GRM5: variants seen among roughly 807,000 people sequenced by gnomAD.
GRM5 encodes glutamate metabotropic receptor 5, also known as metabotropic glutamate receptor 5.
GRM5 carries 19 observed loss-of-function variants against 83.1 expected under a neutral mutation model. The ratio of observed to expected loss-of-function variants is 0.23; its 90% confidence interval spans 0.16 to 0.34. The LOEUF (loss-of-function observed/expected upper bound fraction) is 0.34. Among genes scored for constraint, GRM5 ranks in the 10% least tolerant of loss-of-function variants. The pLI is 1.00. For missense variants in GRM5, 1,160 were observed against 1,588.3 expected (o/e 0.73, Z 4.58); for synonymous variants, 675 against 633.6 (o/e 1.07, Z -0.98).
At chr11:88,589,451 C>T (rs12364433) in intron 7 of GRM5, among the ~76,000 whole-genome samples, 21,875 of 151,916 alleles carry the variant, frequency 0.14, 3,124 homozygotes, top group African/African-American at 0.38. Flanking sequence ...TGTATACATA[C>T]CAATCACCAA....
At chr11:88,736,225 A>T (rs1285491761) in intron 3 of GRM5, among the ~76,000 whole-genome samples, 1 of 152,094 alleles carries the variant, frequency 6.6e-6, no homozygotes, top group African/African-American at 2.4e-5. Flanking sequence ...AACCTAAAAA[A>T]AACTTTCTTG....
intron 2 of GRM5, among the ~76,000 whole-genome samples, chr11:88,886,685 C>A (rs1945049010): frequency 2.6e-5 from 4 of 152,280 alleles, no homozygotes; most frequent in Admixed American, 2.6e-4. Context: ...GGACGGACCC[C>A]AGCCTCTGAC....
intron 8 of GRM5, among the ~76,000 whole-genome samples, chr11:88,550,116 T>TAGA (rs1159661695): frequency 1.3e-5 from 2 of 151,888 alleles, no homozygotes; most frequent in South Asian, 4.2e-4. Flanking sequence ...AGAGAAGAAA[T>TAGA]AGAAGAAGAA....
At chr11:88,682,609 G>T (rs753004421) in intron 3 of GRM5, among the ~76,000 whole-genome samples, 2 of 151,676 alleles carry the variant, frequency 1.3e-5, no homozygotes, top group Non-Finnish European at 2.9e-5. Flanking sequence ...ATATATTCTG[G>T]CATTAATTAC....
At chr11:88,837,542 C>T (rs1278379060) in intron 3 of GRM5, among the ~76,000 whole-genome samples, 1 of 152,138 alleles carries the variant, frequency 6.6e-6, no homozygotes, top group Non-Finnish European at 1.5e-5. Context: ...CAAATGTTCG[C>T]AGTGTAATCA....
At chr11:89,030,776 T>A (rs1241135159) in intron 2 of GRM5, among the ~76,000 whole-genome samples, 5 of 152,102 alleles carry the variant, frequency 3.3e-5, no homozygotes, top group Non-Finnish European at 7.4e-5. Context: ...TCTTATGCCC[T>A]ATTATACTTA....
intron 3 of GRM5, among the ~76,000 whole-genome samples, chr11:88,735,882 G>A (rs1941903591): frequency 6.6e-6 from 1 of 152,020 alleles, no homozygotes; most frequent in South Asian, 2.1e-4. Context: ...GTGTACTCGT[G>A]TAATTGATAA....
intron 2 of GRM5, among the ~76,000 whole-genome samples, chr11:88,979,438 CTG>C (rs1160954942): frequency 6.6e-6 from 1 of 152,148 alleles, no homozygotes; most frequent in Admixed American, 6.5e-5. Context: ...GACAAATGTT[CTG>C]TGAGTCTGAC....
chr11:89,019,035 G>C (rs1940921983), intron 2 of GRM5, among the ~76,000 whole-genome samples: 1 of 152,078 alleles, frequency 6.6e-6, no homozygotes, highest in African/African-American at 2.4e-5. Flanking sequence ...TCACATCCAG[G>C]TTACCACACT....
chr11:88,992,950 G>A (rs546078109), intron 2 of GRM5, among the ~76,000 whole-genome samples: 1 of 151,770 alleles, frequency 6.6e-6, no homozygotes, highest in African/African-American at 2.4e-5. Context: ...CACCAACATG[G>A]CACATGTATA....
chr11:88,634,779 G>A (rs1939073197), intron 4 of GRM5, among the ~76,000 whole-genome samples: 1 of 152,144 alleles, frequency 6.6e-6, no homozygotes, highest in African/African-American at 2.4e-5. Flanking sequence ...TCAAAATTAT[G>A]TTGTATACAT....
intron 6 of GRM5, among the ~76,000 whole-genome samples, chr11:88,595,961 T>G (rs1398367195): frequency 6.6e-6 from 1 of 152,200 alleles, no homozygotes; most frequent in African/African-American, 2.4e-5. Context: ...CAACTTTAAC[T>G]CTATTCAATC....
chr11:89,032,506 T>A, intron 2 of GRM5, among the ~76,000 whole-genome samples: 1 of 152,082 alleles, frequency 6.6e-6, no homozygotes, highest in East Asian at 1.9e-4. Context: ...CTTAGACAAG[T>A]TGTTTAAATT....
intron 2 of GRM5, among the ~76,000 whole-genome samples, chr11:88,885,455 T>G (rs1268228694): frequency 0.018 from 146 of 8,230 alleles, 20 homozygotes; most frequent in Admixed American, 0.068. Context: ...ACCATGTTTT[T>G]TTTTTTTTTT....
rs180761729 is a variant in GRM5 at position 88,839,725 on chromosome 11, C to G, written c.911+10181G>C. Among the ~76,000 whole-genome samples, 12 of 152,306 alleles carry G rather than the reference C, an allele frequency of 7.9e-5. No homozygotes were observed. The East Asian group carries it at 2.3e-3, about 29-fold the overall frequency. On this transcript the variant is annotated intron_variant, in intron 3 of 9. Transcript: ENST00000305447. The stretch of plus-strand genomic sequence containing the variant: ...ACAATGCAGGAGTTAGATGCAACAT[C>G]ATGTTACACAGTCAAATATCTATAT...
intron 3 of GRM5, among the ~76,000 whole-genome samples, chr11:88,689,395 A>G (rs1468450615): frequency 2.0e-5 from 3 of 152,174 alleles, no homozygotes; most frequent in Non-Finnish European, 4.4e-5. Context: ...AAGACTTCTT[A>G]GAGAATAACT....
chr11:88,703,443 A>C (rs1440566932), intron 3 of GRM5, among the ~76,000 whole-genome samples: 1 of 152,120 alleles, frequency 6.6e-6, no homozygotes, highest in Non-Finnish European at 1.5e-5. Context: ...ATCTGTGATC[A>C]CAGTGGGACT....
intron 3 of GRM5, among the ~76,000 whole-genome samples, chr11:88,780,818 G>A (rs920480026): frequency 6.6e-6 from 1 of 152,156 alleles, no homozygotes; most frequent in African/African-American, 2.4e-5. Flanking sequence ...GCCAGACCCT[G>A]TATATTTTTC....
At chr11:88,566,455 T>A (rs144538568) in intron 8 of GRM5, among the ~76,000 whole-genome samples, 1 of 152,232 alleles carries the variant, frequency 6.6e-6, no homozygotes, top group African/African-American at 2.4e-5. Context: ...GTTGTTTTTA[T>A]GTGCAAAGTC....
Sources: gnomAD v4.1 joint callset for allele counts (sites outside exome capture counted in the v4.1 genomes callset) on GRCh38, gnomAD v4.1.1 for gene constraint, MANE v1.5 for transcripts, NCBI Gene and HGNC (gene_info 2026-07-23, HGNC 2026-07-21) for gene names.